Variants in TOP3A observed in about 807,000 individuals in gnomAD.
The protein encoded by TOP3A is DNA topoisomerase III alpha.
In TOP3A, 64 loss-of-function variants were observed where a neutral mutation model predicts 111.3. The ratio of observed to expected loss-of-function variants is 0.57; its 90% CI spans 0.47 to 0.71. TOP3A has a LOEUF of 0.71. TOP3A is among the 30% of genes least tolerant of loss of function. The pLI is 0.00. For synonymous variants in TOP3A, 484 were observed against 485.1 expected, an observed-to-expected ratio of 1.00 and a Z score of 0.03; for missense variants, 1,104 against 1,285.0, an observed-to-expected ratio of 0.86 and a Z score of 2.15.
chr17:18,304,729 AAAG>A (rs1347097681), intron 5 of TOP3A, among the ~76,000 whole-genome samples: 1 of 152,124 alleles, frequency 6.6e-6, no homozygotes, highest in Non-Finnish European at 1.5e-5. Flanking sequence ...CCAAATACTA[AAAG>A]AATTCAATAT....
In TOP3A at chr17:18,314,904, C is replaced by G. The variant is rs528353884; in HGVS notation, c.-126G>C. 8 of 398,472 alleles carry G rather than the reference C, an allele frequency of 2.0e-5. No homozygotes were observed. The highest frequency in any genetic ancestry group is 3.4e-5 in the Non-Finnish European group (8 of 237,204). The allele number at this position is 398,472 out of a possible 1,614,324, so 24.7% of individuals were successfully genotyped here. ...TCGCTTCGGTCACGTCCCCACCAGCCTGCTGGCCTTTGGAGCTTCAGTCAC... is the reference window on the plus strand; with the variant it reads ...TCGCTTCGGTCACGTCCCCACCAGCGTGCTGGCCTTTGGAGCTTCAGTCAC... On this transcript the variant is annotated 5_prime_UTR_variant, in exon 1 of 19. Transcript: ENST00000321105.
At chr17:18,302,114 G>C (rs1410274249) in intron 7 of TOP3A, 129 bp from the exon 8 acceptor site, 7 of 1,371,904 alleles carry the variant, frequency 5.1e-6, no homozygotes, top group Non-Finnish European at 7.0e-6. Flanking sequence ...GGATAACAAA[G>C]GGAACTTTAA....
At position 18,311,126 on chromosome 17, in the gene TOP3A, G is replaced by A. The variant is rs561607388; in HGVS notation, c.181-2185C>T. On this transcript the variant is annotated intron_variant, in intron 1 of 18. Transcript: ENST00000321105. ...TGCCATTCTGCTGCCTCAGCCTCCC[G>A]AGTAGCTGGGACTACAGGCGTCTGC... 4.0e-5 allele frequency among the ~76,000 whole-genome samples: 6 copies of A among 150,968 alleles called. No homozygotes were observed. The South Asian group carries it at 8.4e-4, about 21-fold the overall frequency.
rs780705483 is a variant in TOP3A at position 18,290,549 on chromosome 17, C to T, written c.1597+8G>A. ...AAGAGATGCGAGTTACCCAGAGGAGCCACTGACCAATGCCATGCTTCTCCA... is the reference window on the plus strand; with the variant it reads ...AAGAGATGCGAGTTACCCAGAGGAGTCACTGACCAATGCCATGCTTCTCCA... On this transcript the variant is annotated splice_region_variant and intron_variant, in intron 13 of 18. Transcript: ENST00000321105. The T allele has an allele frequency of 6.4e-7, 1 of 1,566,794 alleles. No homozygotes were observed. Among genetic ancestry groups the T allele is most frequent in the East Asian group, 2.3e-5 (1 of 44,356 alleles).
At chr17:18,275,505 A>G (rs543611159) in intron 18 of TOP3A, among the ~76,000 whole-genome samples, 13 of 150,402 alleles carry the variant, frequency 8.6e-5, no homozygotes, top group South Asian at 6.3e-4. Context: ...GACTACAGGC[A>G]CCCGCCACCA....
chr17:18,301,832 G>A (rs1187980671), intron 8 of TOP3A, 53 bp downstream of exon 8: 14 of 1,428,084 alleles, frequency 9.8e-6, no homozygotes, highest in African/African-American at 4.2e-5. Context: ...GCCGACAGTG[G>A]GAGTGGTTTG....
At chr17:18,277,560 G>A in intron 18 of TOP3A, 115 bp downstream of exon 18, 1 of 1,207,542 alleles carries the variant, frequency 8.3e-7, no homozygotes, top group Non-Finnish European at 1.2e-6. Flanking sequence ...GGCAGCCCAG[G>A]TGCCCCTCCC....
At chr17:18,307,135 C>A in intron 3 of TOP3A, 169 bp from the exon 4 acceptor site, 2 of 557,526 alleles carry the variant, frequency 3.6e-6, no homozygotes, top group African/African-American at 1.9e-5. Flanking sequence ...TCCACTTCTC[C>A]AAGAGTGTGA....
intron 18 of TOP3A, 49 bp from the exon 19 acceptor site, chr17:18,275,029 G>A (rs751503664): frequency 1.9e-6 from 3 of 1,587,328 alleles, no homozygotes; most frequent in South Asian, 1.1e-5. Context: ...ACATGCAGAA[G>A]TGGCAAGTCC....
chr17:18,298,801 G>A (rs1431114304), intron 9 of TOP3A, among the ~76,000 whole-genome samples: 1 of 152,166 alleles, frequency 6.6e-6, no homozygotes, highest in Non-Finnish European at 1.5e-5. Flanking sequence ...ACTCAGGGTT[G>A]AATGAATTAA....
At chr17:18,286,787 C>G (rs754354958) in intron 13 of TOP3A, among the ~76,000 whole-genome samples, 1 of 152,118 alleles carries the variant, frequency 6.6e-6, no homozygotes, top group African/African-American at 2.4e-5. Context: ...CACACAAAAC[C>G]TTGTACAAAA....
At chr17:18,297,543 C>T (rs886983738) in intron 9 of TOP3A, among the ~76,000 whole-genome samples, 20 of 152,182 alleles carry the variant, frequency 1.3e-4, no homozygotes, top group Admixed American at 6.5e-5. Context: ...CTGCCTCAGC[C>T]TGCGGACTGC....
At chr17:18,301,774 G>A in intron 8 of TOP3A, 111 bp downstream of exon 8, 1 of 873,342 alleles carries the variant, frequency 1.1e-6, no homozygotes, top group Non-Finnish European at 1.8e-6. Flanking sequence ...CCCCTGAGAT[G>A]CAAACTTAAA....
rs1981611654 is a variant in TOP3A at position 18,306,896 on chromosome 17, T to C, written c.385A>G (p.Ile129Val). The change falls in exon 4 of 19, where the codon ATC (isoleucine) becomes GTC (valine). Residue 129 changes from isoleucine (I) to valine (V), a missense_variant. Ile to Val is a conservative substitution (Grantham distance 29, BLOSUM62 3). Coordinates refer to ENST00000321105, the MANE Select transcript of TOP3A (RefSeq NM_004618.5). ...EKYCPENFVDIKKTLERETRQ... is the reference protein window; with the variant it reads ...EKYCPENFVDVKKTLERETRQ... ...TGTCTTCCAAAAGACCCTACCTTGA[T>C]GTCTACAAAATTCTCTGGGCAGTAC... The C allele has an allele frequency of 6.2e-7, 1 of 1,609,970 alleles. No individual in the cohort carries two copies. The highest frequency in any genetic ancestry group is 1.3e-5 in the African/African-American group (1 of 74,824).
chr17:18,293,159 GACCAGCCCTGATGCAGC>G (rs1258650966), intron 10 of TOP3A, among the ~76,000 whole-genome samples: 2 of 152,256 alleles, frequency 1.3e-5, no homozygotes, highest in African/African-American at 4.8e-5. Flanking sequence ...CAGTCTGACA[GACCAGCCCTGATGCAGC>G]ACATGAGACT....
In TOP3A at chr17:18,290,916, A is replaced by T; in HGVS notation, c.1393T>A (p.Phe465Ile). The change falls in exon 12 of 19, where the codon TTT (phenylalanine) becomes ATT (isoleucine). Residue 465 changes from phenylalanine (F) to isoleucine (I), a missense_variant. Coordinates refer to ENST00000321105, the MANE Select transcript of TOP3A (RefSeq NM_004618.5). ...AGAATCATGAGGCCATGGGCCACAAAGCGTTCCTGAGCGATGTCGATCTCC... is the reference window on the plus strand; with the variant it reads ...AGAATCATGAGGCCATGGGCCACAATGCGTTCCTGAGCGATGTCGATCTCC... ...TVEIDIAQER[F>I]VAHGLMILAR... 6.2e-7 allele frequency: 1 copy of T among 1,614,202 alleles called. No homozygotes were observed. The highest frequency in any genetic ancestry group is 8.5e-7 in the Non-Finnish European group (1 of 1,180,034).
rs749131700 is a variant in TOP3A, at chr17:18,305,089, TCAG to T, written c.499+20_499+22del. ...TTATGGAGTTCCAAAGTAGAGAAAG[TCAG>T]CAGCAGCAGCAGCACTTACCAGCCT... On this transcript the variant is annotated intron_variant, in intron 5 of 18. Coordinates refer to ENST00000321105, the MANE Select transcript of TOP3A (RefSeq NM_004618.5). 1.4e-4 allele frequency: 230 copies of T among 1,589,014 alleles called. No individual in the cohort carries two copies. The highest frequency in any genetic ancestry group is 1.8e-4 in the Non-Finnish European group (204 of 1,157,670).
At chr17:18,280,259 G>A (rs538138689) in intron 17 of TOP3A, 3 of 243,330 alleles carry the variant, frequency 1.2e-5, no homozygotes, top group Non-Finnish European at 2.4e-5. Context: ...CCTAAGCCTG[G>A]TGTAGCAATC....
chr17:18,311,125 C>T (rs144689490), intron 1 of TOP3A, among the ~76,000 whole-genome samples: 21 of 150,520 alleles, frequency 1.4e-4, no homozygotes, highest in Admixed American at 1.3e-3. Flanking sequence ...CTCAGCCTCC[C>T]GAGTAGCTGG....
Sources: gnomAD v4.1 joint callset for allele counts (sites outside exome capture counted in the v4.1 genomes callset) on GRCh38, gnomAD v4.1.1 for gene constraint, MANE v1.5 for transcripts, NCBI Gene and HGNC (gene_info 2026-07-23, HGNC 2026-07-21) for gene names.